Variants in PTPRM observed in about 807,000 individuals in gnomAD.
PTPRM encodes receptor-type tyrosine-protein phosphatase mu.
A neutral mutation model predicts 186.7 loss-of-function variants in PTPRM; 47 were observed. The observed-to-expected ratio is 0.25, with a 90% CI of 0.20 to 0.32. PTPRM has a LOEUF of 0.32. Ranked by LOEUF, PTPRM falls within the 10% of genes least tolerant of loss-of-function variation. PTPRM has a pLI of 1.00. For missense variants in PTPRM, 1,494 were observed against 1,865.0 expected, an observed-to-expected ratio of 0.80 and a Z score of 3.66; for synonymous variants, 668 against 674.9, an observed-to-expected ratio of 0.99 and a Z score of 0.16.
chr18:8,286,844 G>T (rs2094962199), intron 19 of PTPRM, among the ~76,000 whole-genome samples: 1 of 152,072 alleles, frequency 6.6e-6, no homozygotes, highest in South Asian at 2.1e-4. Context: ...CTTAAGTATT[G>T]CAGGAAGAGC....
At chr18:8,251,261 A>G (rs2094525813) in intron 17 of PTPRM, among the ~76,000 whole-genome samples, 1 of 152,252 alleles carries the variant, frequency 6.6e-6, no homozygotes, top group Admixed American at 6.5e-5. Flanking sequence ...AGGTCAGCCC[A>G]CCATGGAGGG....
chr18:8,111,683 A>G (rs912142999), intron 11 of PTPRM, among the ~76,000 whole-genome samples: 1 of 152,134 alleles, frequency 6.6e-6, no homozygotes, highest in Non-Finnish European at 1.5e-5. Flanking sequence ...CGGTTTCTCT[A>G]TTTTGTGAGA....
intron 7 of PTPRM, among the ~76,000 whole-genome samples, chr18:7,977,410 T>C (rs574807224): frequency 6.6e-6 from 1 of 152,122 alleles, no homozygotes; most frequent in African/African-American, 2.4e-5. Context: ...TTAGAGGATG[T>C]TGGCATGCAC....
In PTPRM at chr18:8,368,063, A is replaced by G. The variant is rs186611799; in HGVS notation, c.3055-2827A>G. ...GAATTTTTAAAGTGTATATTTATTC[A>G]TCAATAATTATTTTTAAAGTGTGCC... On this transcript the variant is annotated intron_variant, in intron 23 of 32. Transcript: ENST00000580170. Among the ~76,000 whole-genome samples the G allele has an allele frequency of 2.1e-4, 32 of 152,190 alleles. 1 individual carries two copies. The highest frequency in any genetic ancestry group is 1.9e-3 in the Admixed American group (29 of 15,288).
chr18:8,077,025 C>A (rs2089857982), intron 9 of PTPRM, among the ~76,000 whole-genome samples: 1 of 152,060 alleles, frequency 6.6e-6, no homozygotes, highest in Admixed American at 6.6e-5. Flanking sequence ...CTTAGTATTA[C>A]CAAAACATCC....
At chr18:7,688,073 T>A (rs909135554) in intron 1 of PTPRM, among the ~76,000 whole-genome samples, 1 of 152,098 alleles carries the variant, frequency 6.6e-6, no homozygotes, top group East Asian at 1.9e-4. Context: ...CTGTGCCTGG[T>A]CAAAATTTTT....
At chr18:8,382,024 A>G (rs1344007196) in intron 29 of PTPRM, among the ~76,000 whole-genome samples, 2 of 152,192 alleles carry the variant, frequency 1.3e-5, no homozygotes, top group African/African-American at 4.8e-5. Context: ...TGGGTAGGAG[A>G]GACAAAAAGA....
At chr18:8,254,866 C>G (rs1444952056) in intron 19 of PTPRM, among the ~76,000 whole-genome samples, 1 of 152,248 alleles carries the variant, frequency 6.6e-6, no homozygotes, top group Non-Finnish European at 1.5e-5. Context: ...ACACACTTTG[C>G]TCTGCTAACA....
intron 23 of PTPRM, 151 bp from the exon 24 acceptor site, chr18:8,370,739 A>C (rs2290820): frequency 0.028 from 14,772 of 527,832 alleles, 489 homozygotes; most frequent in African/African-American, 0.099. Context: ...ATAAAAACAC[A>C]GGTGATCTAC....
intron 1 of PTPRM, among the ~76,000 whole-genome samples, chr18:7,584,370 G>A (rs2036922777): frequency 6.6e-6 from 1 of 152,154 alleles, no homozygotes. Flanking sequence ...CGATTGTTAG[G>A]GATGAGAAAG....
intron 2 of PTPRM, among the ~76,000 whole-genome samples, chr18:7,812,508 AG>A (rs2044579583): frequency 6.6e-6 from 1 of 152,230 alleles, no homozygotes; most frequent in South Asian, 2.1e-4. Context: ...TAAGCACAGG[AG>A]GGGCATGAGC....
intron 23 of PTPRM, among the ~76,000 whole-genome samples, chr18:8,362,942 TC>T (rs2095605728): frequency 6.6e-6 from 1 of 152,244 alleles, no homozygotes; most frequent in Non-Finnish European, 1.5e-5. Flanking sequence ...TCTTGACCAG[TC>T]AGCTTGCCCC....
intron 1 of PTPRM, among the ~76,000 whole-genome samples, chr18:7,624,157 A>G (rs2038004657): frequency 6.6e-6 from 1 of 152,330 alleles, no homozygotes; most frequent in South Asian, 2.1e-4. Context: ...GCCTGAGGCC[A>G]TACAACTAAC....
At chr18:8,004,309 C>T (rs1034358446) in intron 7 of PTPRM, among the ~76,000 whole-genome samples, 12 of 152,002 alleles carry the variant, frequency 7.9e-5, no homozygotes, top group African/African-American at 2.9e-4. Flanking sequence ...TGGATCTAGC[C>T]TATGTTTTTA....
intron 23 of PTPRM, among the ~76,000 whole-genome samples, chr18:8,344,450 A>G (rs199837536): frequency 2.3e-3 from 29 of 12,508 alleles, no homozygotes; most frequent in South Asian, 0.011. Context: ...GTGTGTGTGT[A>G]TATATATATA....
At chr18:7,752,775 C>T (rs1228378001) in intron 1 of PTPRM, among the ~76,000 whole-genome samples, 1 of 151,830 alleles carries the variant, frequency 6.6e-6, no homozygotes, top group Non-Finnish European at 1.5e-5. Context: ...GACATAGACT[C>T]GTGTGTCATA....
chr18:7,746,338 C>G (rs969089619), intron 1 of PTPRM, among the ~76,000 whole-genome samples: 1 of 152,110 alleles, frequency 6.6e-6, no homozygotes, highest in African/African-American at 2.4e-5. Flanking sequence ...ATGACATGAT[C>G]TTTTTGAAGT....
chr18:7,598,061 T>C (rs1037668366), intron 1 of PTPRM, among the ~76,000 whole-genome samples: 7 of 152,218 alleles, frequency 4.6e-5, no homozygotes, highest in African/African-American at 1.7e-4. Context: ...TAGTGGGGTT[T>C]AGGTATAAAT....
intron 4 of PTPRM, among the ~76,000 whole-genome samples, chr18:7,914,782 G>T (rs149821315): frequency 1.3e-5 from 2 of 152,200 alleles, no homozygotes; most frequent in South Asian, 2.1e-4. Context: ...GGTTCTCAGC[G>T]TTAGAGTAAG....
Sources: gnomAD v4.1 joint callset for allele counts (sites outside exome capture counted in the v4.1 genomes callset) on GRCh38, gnomAD v4.1.1 for gene constraint, MANE v1.5 for transcripts, NCBI Gene and HGNC (gene_info 2026-07-23, HGNC 2026-07-21) for gene names.